TTLL7: variants seen among roughly 807,000 people sequenced by gnomAD.
TTLL7 encodes tubulin polyglutamylase TTLL7.
In TTLL7, 53 loss-of-function variants were observed where a neutral mutation model predicts 120.2. The observed-to-expected ratio is 0.44, with a 90% CI of 0.35 to 0.55. TTLL7 has a LOEUF of 0.55. TTLL7 is among the 20% of genes least tolerant of loss of function. The pLI is 0.00. For missense variants in TTLL7, 803 were observed against 1,054.7 expected, an observed-to-expected ratio of 0.76 and a Z score of 3.31; for synonymous variants, 353 against 351.7, an observed-to-expected ratio of 1.00 and a Z score of -0.04.
At chr1:83,919,647 C>T in intron 13 of TTLL7, 52 bp downstream of exon 13, 3 of 1,513,352 alleles carry the variant, frequency 2.0e-6, no homozygotes, top group Non-Finnish European at 1.8e-6. Flanking sequence ...TCTGTAAAGA[C>T]ATATTGTTTA....
At chr1:83,900,554 T>C (rs555411465) in intron 18 of TTLL7, among the ~76,000 whole-genome samples, 110 of 151,990 alleles carry the variant, frequency 7.2e-4, no homozygotes, top group Non-Finnish European at 1.2e-3. Flanking sequence ...AGCAAGGTCC[T>C]GGGGTCAGGG....
chr1:83,929,784 G>A (rs755059413), intron 9 of TTLL7, among the ~76,000 whole-genome samples: 1 of 152,020 alleles, frequency 6.6e-6, no homozygotes, highest in Non-Finnish European at 1.5e-5. Flanking sequence ...TATTGTCATT[G>A]TTATAAAAAT....
intron 1 of TTLL7, among the ~76,000 whole-genome samples, chr1:83,985,090 G>A (rs1223977958): frequency 3.3e-5 from 5 of 152,170 alleles, no homozygotes; most frequent in Non-Finnish European, 7.4e-5. Context: ...TTGGCTCACA[G>A]GATTACAAGA....
At chr1:83,968,330 C>CCTTAT (rs1650672428) in intron 1 of TTLL7, among the ~76,000 whole-genome samples, 1 of 151,898 alleles carries the variant, frequency 6.6e-6, no homozygotes, top group Non-Finnish European at 1.5e-5. Context: ...TTTCTGCTCT[C>CCTTAT]CTTATTCATA....
chr1:83,967,513 G>A (rs564632201), intron 1 of TTLL7, among the ~76,000 whole-genome samples: 1 of 152,210 alleles, frequency 6.6e-6, no homozygotes, highest in African/African-American at 2.4e-5. Context: ...CACAGTGTCT[G>A]CAGCTGCACT....
At chr1:83,978,430 C>T (rs1193446173) in intron 1 of TTLL7, among the ~76,000 whole-genome samples, 1 of 151,920 alleles carries the variant, frequency 6.6e-6, no homozygotes, top group Non-Finnish European at 1.5e-5. Context: ...AAATTATAGT[C>T]AGTTAAAAAA....
chr1:83,925,833 T>C (rs1395046631), intron 10 of TTLL7, among the ~76,000 whole-genome samples: 2 of 152,082 alleles, frequency 1.3e-5, no homozygotes, highest in Non-Finnish European at 2.9e-5. Flanking sequence ...TTTAAAAATG[T>C]CCAGTAGGCT....
rs1348269558 is a variant in TTLL7, at chr1:83,867,329, A to G, written c.*2633T>C. ...AGACACAGTCCATAGCATACCAGGT[A>G]GTATATATAAATAATGAACACAAGG... On this transcript the variant is annotated 3_prime_UTR_variant, in exon 21 of 21. Transcript: ENST00000260505. 1.3e-5 allele frequency: 2 copies of G among 152,068 alleles called. No individual in the cohort carries two copies. Among genetic ancestry groups the G allele is most frequent in the African/African-American group, 4.8e-5 (2 of 41,464 alleles). The allele number at this position is 152,068 out of a possible 1,614,324, so 9.4% of individuals were successfully genotyped here. A position where few individuals can be genotyped will look rare whatever the true frequency, so the allele number is the denominator to read the frequency against.
At chr1:83,917,823 G>T in intron 13 of TTLL7, 133 bp from the exon 14 acceptor site, 1 of 642,456 alleles carries the variant, frequency 1.6e-6, no homozygotes, top group Non-Finnish European at 2.7e-6. Context: ...CAGAAAAAAG[G>T]AGAAATATTA....
intron 20 of TTLL7, among the ~76,000 whole-genome samples, chr1:83,878,434 C>T (rs1300437798): frequency 6.6e-6 from 1 of 151,852 alleles, no homozygotes; most frequent in East Asian, 1.9e-4. Flanking sequence ...GCTTTGCAAA[C>T]CATCCCGAGC....
chr1:83,959,831 T>C (rs1416322657), intron 1 of TTLL7, among the ~76,000 whole-genome samples: 3 of 152,166 alleles, frequency 2.0e-5, no homozygotes, highest in Non-Finnish European at 2.9e-5. Context: ...CAGTGATACA[T>C]GCTGCATCAC....
At chr1:83,937,113 A>T (rs1000453156) in intron 8 of TTLL7, among the ~76,000 whole-genome samples, 1 of 152,156 alleles carries the variant, frequency 6.6e-6, no homozygotes. Flanking sequence ...GTCACATAAG[A>T]TTATAATACT....
chr1:83,939,552 C>T (rs546823257), intron 7 of TTLL7, among the ~76,000 whole-genome samples: 16 of 152,176 alleles, frequency 1.1e-4, no homozygotes, highest in Admixed American at 3.9e-4. Context: ...GAAATAGAAG[C>T]GAAAGCAGCT....
At chr1:83,964,618 TTTTTCTTTCAGAGAAGTTCAGAGC>T (rs1163968589) in intron 1 of TTLL7, among the ~76,000 whole-genome samples, 5 of 152,176 alleles carry the variant, frequency 3.3e-5, no homozygotes, top group South Asian at 2.1e-4. Flanking sequence ...AACGTATACA[TTTTTCTTTCAGAGAAGTTCAGAGC>T]TTTTCTTTCA....
rs1649141872 is a variant in TTLL7 at position 83,952,386 on chromosome 1, A to G, written c.-175T>C. On this transcript the variant is annotated splice_region_variant and 5_prime_UTR_variant, in exon 2 of 21. Transcript: ENST00000260505. The stretch of plus-strand genomic sequence containing the variant: ...TACCAAAGTTATGGGATAACAAGGT[A>G]CCTGCAGTGATTTTAAAACAAGGTC... 3.6e-6 allele frequency: 2 copies of G among 552,362 alleles called. No homozygotes were observed. Among genetic ancestry groups the G allele is most frequent in the South Asian group, 5.0e-5 (1 of 20,028 alleles). 34.2% of individuals were successfully genotyped at this position (552,362 alleles called of 1,614,324 possible).
intron 1 of TTLL7, among the ~76,000 whole-genome samples, chr1:83,968,377 T>C (rs1048001351): frequency 2.0e-5 from 3 of 151,918 alleles, no homozygotes; most frequent in African/African-American, 7.3e-5. Context: ...ATAAGAACTG[T>C]ACAATGGGAA....
At chr1:83,904,945 CATT>C (rs1557600610) in intron 17 of TTLL7, among the ~76,000 whole-genome samples, 3 of 151,834 alleles carry the variant, frequency 2.0e-5, no homozygotes, top group South Asian at 2.1e-4. Flanking sequence ...TATAAATATT[CATT>C]ATATTTTATT....
chr1:83,945,599 G>C (rs1036853628), intron 6 of TTLL7, among the ~76,000 whole-genome samples: 1 of 152,100 alleles, frequency 6.6e-6, no homozygotes, highest in African/African-American at 2.4e-5. Flanking sequence ...GATGAGAGAG[G>C]TGTTCTTTAC....
chr1:83,994,316 T>C (rs1486519982), intron 1 of TTLL7, among the ~76,000 whole-genome samples: 3 of 152,200 alleles, frequency 2.0e-5, no homozygotes, highest in Non-Finnish European at 4.4e-5. Flanking sequence ...CTGGCTCTCA[T>C]AGACACTTAA....
Sources: allele counts gnomAD v4.1 joint callset (sites outside exome capture counted in the v4.1 genomes callset), GRCh38; gene constraint gnomAD v4.1.1; transcripts MANE v1.5; gene names NCBI Gene and HGNC (gene_info 2026-07-23, HGNC 2026-07-21).